Variants in ROBO1 observed in about 807,000 individuals in gnomAD.
ROBO1 encodes roundabout guidance receptor 1.
A neutral mutation model predicts 195.9 loss-of-function variants in ROBO1; 149 were observed. The ratio of observed to expected loss-of-function variants is 0.76; its 90% CI spans 0.67 to 0.87. The LOEUF is 0.87. Among genes scored for constraint, ROBO1 ranks in the 40% least tolerant of loss-of-function variants. ROBO1 has a pLI of 0.00. For synonymous variants in ROBO1, 816 were observed against 733.2 expected, an observed-to-expected ratio of 1.11 and a Z score of -1.82; for missense variants, 1,933 against 2,068.3, an observed-to-expected ratio of 0.93 and a Z score of 1.27.
intron 1 of ROBO1, among the ~76,000 whole-genome samples, chr3:79,626,435 A>T (rs537453394): frequency 3.3e-5 from 5 of 152,004 alleles, no homozygotes; most frequent in African/African-American, 1.2e-4. Context: ...GACTCCATCA[A>T]AAACAAAAAC....
intron 4 of ROBO1, among the ~76,000 whole-genome samples, chr3:78,794,008 T>C (rs1426542098): frequency 6.6e-6 from 1 of 152,208 alleles, no homozygotes; most frequent in Non-Finnish European, 1.5e-5. Flanking sequence ...ACTTTGTGAC[T>C]TTTAAAAAGT....
At chr3:78,662,324 G>A (rs977003346) in intron 14 of ROBO1, among the ~76,000 whole-genome samples, 1 of 151,682 alleles carries the variant, frequency 6.6e-6, no homozygotes, top group South Asian at 2.1e-4. Context: ...TAGAGAGAAC[G>A]CAGAGGACAT....
At chr3:78,630,334 C>A (rs1705106591) in intron 25 of ROBO1, among the ~76,000 whole-genome samples, 1 of 152,014 alleles carries the variant, frequency 6.6e-6, no homozygotes, top group African/African-American at 2.4e-5. Flanking sequence ...TGAGATTTCC[C>A]TGTCAATATT....
chr3:79,213,944 G>A (rs2082010157), intron 2 of ROBO1, among the ~76,000 whole-genome samples: 2 of 148,944 alleles, frequency 1.3e-5, no homozygotes, highest in African/African-American at 4.9e-5. Context: ...TCCTGCCTCA[G>A]CCTCCCTAGC....
intron 2 of ROBO1, among the ~76,000 whole-genome samples, chr3:79,269,995 GATGGT>G: frequency 6.6e-6 from 1 of 151,788 alleles, no homozygotes. Context: ...TTGCAGTAAA[GATGGT>G]TGTTGAAGAA....
At chr3:79,539,517 A>T (rs916551171) in intron 2 of ROBO1, among the ~76,000 whole-genome samples, 1 of 152,080 alleles carries the variant, frequency 6.6e-6, no homozygotes, top group Non-Finnish European at 1.5e-5. Flanking sequence ...ATTTTCAATT[A>T]TATATATTGA....
intron 2 of ROBO1, among the ~76,000 whole-genome samples, chr3:79,162,471 TAAC>T (rs1408001215): frequency 6.6e-6 from 1 of 152,128 alleles, no homozygotes; most frequent in Non-Finnish European, 1.5e-5. Context: ...CTACTTTAAA[TAAC>T]ATCATGTGAA....
chr3:79,430,646 G>GT (rs1042196610), intron 2 of ROBO1, among the ~76,000 whole-genome samples: 1 of 152,088 alleles, frequency 6.6e-6, no homozygotes, highest in African/African-American at 2.4e-5. Context: ...GAGTCCCATA[G>GT]TTTTTTCCTT....
chr3:79,344,001 G>GA (rs2035010531), intron 2 of ROBO1, among the ~76,000 whole-genome samples: 2 of 152,088 alleles, frequency 1.3e-5, no homozygotes, highest in African/African-American at 2.4e-5. Context: ...GAATATGTAG[G>GA]AAAAAAGCCC....
chr3:78,690,892 C>A (rs1022475724), intron 8 of ROBO1, among the ~76,000 whole-genome samples: 1 of 152,030 alleles, frequency 6.6e-6, no homozygotes, highest in Non-Finnish European at 1.5e-5. Flanking sequence ...TTATAAAATG[C>A]CAGTTCTCCT....
At chr3:79,667,407 A>T (rs1946505569) in intron 1 of ROBO1, among the ~76,000 whole-genome samples, 1 of 151,762 alleles carries the variant, frequency 6.6e-6, no homozygotes, top group African/African-American at 2.4e-5. Flanking sequence ...ATACATTGTT[A>T]TATATTATAA....
At chr3:78,954,650 ATAGT>A (rs1408132410) in intron 3 of ROBO1, among the ~76,000 whole-genome samples, 3 of 152,074 alleles carry the variant, frequency 2.0e-5, no homozygotes, top group African/African-American at 7.2e-5. Flanking sequence ...CTATGGAAAC[ATAGT>A]TAATTATAAT....
chr3:78,930,455 G>A (rs1285417270), intron 4 of ROBO1, among the ~76,000 whole-genome samples: 1 of 152,124 alleles, frequency 6.6e-6, no homozygotes, highest in Non-Finnish European at 1.5e-5. Flanking sequence ...AGAGTGACAG[G>A]TGGACTTGGA....
intron 2 of ROBO1, among the ~76,000 whole-genome samples, chr3:79,458,862 C>T (rs2039706152): frequency 6.6e-6 from 1 of 151,794 alleles, no homozygotes; most frequent in Non-Finnish European, 1.5e-5. Context: ...AGGTACATAT[C>T]CAATTTGCCA....
intron 4 of ROBO1, among the ~76,000 whole-genome samples, chr3:78,891,702 C>T (rs754215317): frequency 1.5e-4 from 23 of 152,200 alleles, no homozygotes; most frequent in South Asian, 6.2e-4. Context: ...TCCGTTCGTA[C>T]AAGAATGAAT....
rs141241381 is a variant in ROBO1 at position 79,278,714 on chromosome 3, T to C, written c.89-153175A>G. Among the ~76,000 whole-genome samples, 1,003 of 152,160 alleles carry C rather than the reference T, an allele frequency of 6.6e-3. 6 individuals are homozygous for C. The highest frequency in any genetic ancestry group is 0.01 in the Non-Finnish European group (685 of 68,006). ...TGAAAGTGGATCAAAGACCTAAATG[T>C]AAGGGCTAAAACAACAAAACTGCAG... On this transcript the variant is annotated intron_variant, in intron 2 of 30. Coordinates refer to ENST00000464233, the MANE Select transcript of ROBO1 (RefSeq NM_002941.4).
chr3:79,510,026 A>T (rs575687629), intron 2 of ROBO1, among the ~76,000 whole-genome samples: 1 of 152,212 alleles, frequency 6.6e-6, no homozygotes, highest in Admixed American at 6.5e-5. Context: ...AACCATTCAT[A>T]CAAACAAATA....
intron 2 of ROBO1, among the ~76,000 whole-genome samples, chr3:79,298,988 T>C (rs1427150438): frequency 2.6e-5 from 4 of 152,088 alleles, no homozygotes; most frequent in African/African-American, 9.7e-5. Context: ...AACAGTTCCT[T>C]TGAGATCATT....
intron 1 of ROBO1, among the ~76,000 whole-genome samples, chr3:79,655,746 G>A (rs1946138879): frequency 6.6e-6 from 1 of 152,026 alleles, no homozygotes; most frequent in African/African-American, 2.4e-5. Context: ...AAGTAAGCAA[G>A]GGAGTATGTC....
Sources: gnomAD v4.1 joint callset for allele counts (sites outside exome capture counted in the v4.1 genomes callset) on GRCh38, gnomAD v4.1.1 for gene constraint, MANE v1.5 for transcripts, NCBI Gene and HGNC (gene_info 2026-07-23, HGNC 2026-07-21) for gene names.